The following BID variants were observed in gnomAD, a reference collection of about 807,000 sequenced individuals.
The protein encoded by BID is BH3-interacting domain death agonist.
Under a neutral mutation model 17.4 loss-of-function variants are expected in BID, and 19 were observed. That is an observed-to-expected ratio of 1.09 (90% CI 0.76 to 1.60). The LOEUF (loss-of-function observed/expected upper bound fraction) is 1.60, where lower values mean the gene tolerates loss of function less well. Among genes scored for constraint, BID ranks in the 40% most tolerant of loss-of-function variants. The pLI, the probability that BID is intolerant of heterozygous loss-of-function variation, is 0.00. For synonymous variants in BID, 108 were observed against 102.8 expected (o/e 1.05, Z -0.31); for missense variants, 226 against 256.0 (o/e 0.88, Z 0.80).
At chr22:17,746,541 A>G (rs2061496365) in intron 2 of BID, among the ~76,000 whole-genome samples, 1 of 152,210 alleles carries the variant, frequency 6.6e-6, no homozygotes, top group African/African-American at 2.4e-5. Context: ...TCCTGGTGAC[A>G]CAGTTAGTGC....
chr22:17,764,472 AG>A (rs2061664217), intron 1 of BID, among the ~76,000 whole-genome samples: 1 of 152,248 alleles, frequency 6.6e-6, no homozygotes. Context: ...CTCAAACCAG[AG>A]GGAAAAAAGG....
rs974894501 is a variant in BID, at chr22:17,773,414, G to GGAAAAACC, written c.-59+959_-59+966dup. ...CCTCCTGTGGGTGGAGATGGAATGT[G>GGAAAAACC]GAAAAACCGCATCCTCTGCAGCTCC... On this transcript the variant is annotated intron_variant, in intron 1 of 5. Transcript: ENST00000622694. The surrounding 1 kb of genome is among the most constrained non-coding windows in gnomAD (Gnocchi z 4.4). Among the ~76,000 whole-genome samples, 1 of 152,124 alleles carries GGAAAAACC rather than the reference G, an allele frequency of 6.6e-6. No homozygotes were observed. The highest frequency in any genetic ancestry group is 1.5e-5 in the Non-Finnish European group (1 of 68,026).
chr22:17,753,245 C>T (rs1046055826), intron 1 of BID, among the ~76,000 whole-genome samples: 12 of 152,170 alleles, frequency 7.9e-5, no homozygotes, highest in Non-Finnish European at 1.2e-4. Context: ...GGATTACAGG[C>T]GTGAACCACC....
At chr22:17,748,162 T>G (rs1429257614) in intron 2 of BID, among the ~76,000 whole-genome samples, 1 of 146,038 alleles carries the variant, frequency 6.8e-6, no homozygotes, top group East Asian at 2.0e-4. Context: ...TGAGCGGAGA[T>G]CACATCACTG....
intron 5 of BID, among the ~76,000 whole-genome samples, chr22:17,736,920 T>C (rs181385): frequency 0.86 from 130,203 of 151,960 alleles, 56,002 homozygotes; most frequent in East Asian, 0.94. Flanking sequence ...TCTCCTGCCT[T>C]AGCCTCCTGA....
intron 1 of BID, among the ~76,000 whole-genome samples, chr22:17,761,524 T>C (rs1473281518): frequency 2.0e-5 from 3 of 150,364 alleles, no homozygotes; most frequent in South Asian, 2.1e-4. Flanking sequence ...CTCTGCCTCC[T>C]GGGTTCACGC....
In BID at chr22:17,750,084, G is replaced by A. The variant is rs377650629; in HGVS notation, c.12+21C>T. On this transcript the variant is annotated intron_variant, in intron 2 of 5. Transcript: ENST00000622694. ...CGACCCCGCCCCCCACAAGGCACCC[G>A]CAGGGGATCTGGCCTCTGACCTCAC... 2.5e-5 allele frequency: 41 copies of A among 1,610,850 alleles called. No individual in the cohort carries two copies. The African/African-American group carries it at 3.1e-4, about 12-fold the overall frequency.
chr22:17,738,118 CCTT>C lies in BID; in HGVS notation c.472_474del (p.Lys158del). 6.2e-7 allele frequency: 1 copy of C among 1,614,142 alleles called. No individual in the cohort carries two copies. Among genetic ancestry groups the C allele is most frequent in the Admixed American group, 1.7e-5 (1 of 60,026 alleles). The stretch of plus-strand genomic sequence containing the variant: ...AGCAAGGACGGCGTGTGACTGGCCA[CCTT>C]CTTGGCCAGCAGCAGGGCCAGCACC... On this transcript the variant is annotated inframe_deletion, in exon 5 of 6. Transcript: ENST00000622694.
At chr22:17,759,173 G>C (rs2061615809) in intron 1 of BID, among the ~76,000 whole-genome samples, 1 of 147,570 alleles carries the variant, frequency 6.8e-6, no homozygotes, top group South Asian at 2.1e-4. Flanking sequence ...AGAGGTTGCA[G>C]TGAGCCGAGA....
Position 17,769,318 on chromosome 22 carries a change from G to T in BID, c.-59+5063C>A, listed in dbSNP as rs1227934574. 1.7e-4 allele frequency among the ~76,000 whole-genome samples: 26 copies of T among 152,254 alleles called. No homozygotes were observed. Among genetic ancestry groups the T allele is most frequent in the Admixed American group, 1.7e-3 (26 of 15,292 alleles). ...CCCTTCCACAAAGGCCCCTAGCTGG[G>T]CTCCCTGCTCAGTTGGCCGGGTTTG... is the stretch of plus-strand genomic sequence containing the variant. On this transcript the variant is annotated intron_variant, in intron 1 of 5. Coordinates refer to ENST00000622694, the MANE Select transcript of BID (RefSeq NM_001196.4). This position sits in a 1 kb window ranked among gnomAD's most constrained non-coding sequence, Gnocchi z 4.8.
At chr22:17,740,436 T>A in intron 3 of BID, 1 of 351,672 alleles carries the variant, frequency 2.8e-6, no homozygotes, top group Non-Finnish European at 5.4e-6. Context: ...AAGAAACTTT[T>A]TTTTTTTTTT....
chr22:17,740,092 G>C, intron 3 of BID: 3 of 1,611,608 alleles, frequency 1.9e-6, no homozygotes, highest in Non-Finnish European at 2.5e-6. Context: ...CACTGTCGCA[G>C]CTCCATGAAG....
At chr22:17,739,299 G>T (rs957280888) in intron 4 of BID, 50 bp downstream of exon 4, 3 of 1,496,858 alleles carry the variant, frequency 2.0e-6, no homozygotes, top group Non-Finnish European at 2.7e-6. Flanking sequence ...CAGGGGACAG[G>T]CCCCCTTGGC....
chr22:17,755,799 CAAAAAAAA>C, intron 1 of BID, among the ~76,000 whole-genome samples: 1 of 135,928 alleles, frequency 7.4e-6, no homozygotes, highest in South Asian at 2.4e-4. Context: ...AACTCCGTCT[CAAAAAAAA>C]AAAAAAAAGA....
rs2061739794 is a variant in BID at position 17,773,896 on chromosome 22, C to CGCGG, written c.-59+484_-59+485insCCGC. 2 of 603,298 alleles carry CGCGG rather than the reference C, an allele frequency of 3.3e-6. No homozygotes were observed. Among genetic ancestry groups the CGCGG allele is most frequent in the Non-Finnish European group, 5.9e-6 (2 of 339,378 alleles). The allele number at this position is 603,298 out of a possible 1,614,324, so 37.4% of individuals were successfully genotyped here. ...CCGCTCTGACCGCGCTTTGTCAGCCCTGAGCTCCGCTCGGGAGGAGCCGGC... is the reference window on the plus strand; with the variant it reads ...CCGCTCTGACCGCGCTTTGTCAGCCCGCGGTGAGCTCCGCTCGGGAGGAGCCGGC... On this transcript the variant is annotated intron_variant, in intron 1 of 5. Coordinates refer to ENST00000622694, the MANE Select transcript of BID (RefSeq NM_001196.4). This position sits in a 1 kb window ranked among gnomAD's most constrained non-coding sequence, Gnocchi z 4.4.
chr22:17,754,429 AG>A (rs1405254446), intron 1 of BID, among the ~76,000 whole-genome samples: 2 of 152,256 alleles, frequency 1.3e-5, no homozygotes, highest in African/African-American at 4.8e-5. Context: ...CAGGGAGGGC[AG>A]GGGGCAGCTT....
intron 1 of BID, among the ~76,000 whole-genome samples, chr22:17,765,477 T>C (rs1196277014): frequency 6.6e-6 from 1 of 152,222 alleles, no homozygotes; most frequent in Non-Finnish European, 1.5e-5. Flanking sequence ...TTAGTATCAG[T>C]CCAAGGTTTT....
chr22:17,753,710 C>T (rs1328132469), intron 1 of BID, among the ~76,000 whole-genome samples: 2 of 152,248 alleles, frequency 1.3e-5, no homozygotes, highest in African/African-American at 4.8e-5. Flanking sequence ...GAAACTCACG[C>T]AGCCAGGAGT....
At chr22:17,754,149 G>A (rs1024794897) in intron 1 of BID, among the ~76,000 whole-genome samples, 7 of 141,640 alleles carry the variant, frequency 4.9e-5, no homozygotes, top group African/African-American at 1.1e-4. Context: ...GGACTCTGCC[G>A]GATGGGGGTG....
Sources: allele counts gnomAD v4.1 joint callset (sites outside exome capture counted in the v4.1 genomes callset), GRCh38; gene constraint gnomAD v4.1.1; non-coding constraint Gnocchi (gnomAD v3.1); transcripts MANE v1.5; gene names NCBI Gene and HGNC (gene_info 2026-07-23, HGNC 2026-07-21).